The following SLC4A4 variants were observed in gnomAD, a reference collection of about 807,000 sequenced individuals.
SLC4A4 encodes electrogenic sodium bicarbonate cotransporter 1.
In SLC4A4, 27 loss-of-function variants were observed where a neutral mutation model predicts 111.5. The ratio of observed to expected loss-of-function variants is 0.24; its 90% CI spans 0.18 to 0.33. SLC4A4 has a LOEUF of 0.33. Among genes scored for constraint, SLC4A4 ranks in the 10% least tolerant of loss-of-function variants. The pLI is 1.00. For synonymous variants in SLC4A4, 443 were observed against 463.4 expected (o/e 0.96, Z 0.57); for missense variants, 909 against 1,315.5 (o/e 0.69, Z 4.78).
intron 7 of SLC4A4, among the ~76,000 whole-genome samples, chr4:71,418,682 G>A (rs1722041688): frequency 6.6e-6 from 1 of 152,178 alleles, no homozygotes; most frequent in Admixed American, 6.5e-5. Context: ...TATGTTTCTA[G>A]TAATTATCCC....
chr4:71,330,968 G>A (rs9799810), intron 3 of SLC4A4, among the ~76,000 whole-genome samples: 147,621 of 152,188 alleles, frequency 0.97, 71,774 homozygotes, highest in Middle Eastern at 1. Context: ...CAGCCAACAG[G>A]CACATGAAAA....
Position 71,335,964 on chromosome 4 carries a change from A to G in SLC4A4, c.254-3406A>G, listed in dbSNP as rs1728407859. On this transcript the variant is annotated intron_variant, in intron 3 of 25. Coordinates refer to ENST00000264485, the MANE Select transcript of SLC4A4 (RefSeq NM_001098484.3). Reference sequence around the variant, plus strand: ...TTTTCTGGTATTGGTTTATGTGCTAATTTACTTATTTATTTAAAGAATAAA... The same window carrying G: ...TTTTCTGGTATTGGTTTATGTGCTAGTTTACTTATTTATTTAAAGAATAAA... Among the ~76,000 whole-genome samples the G allele has an allele frequency of 2.0e-5, 3 of 152,130 alleles. No individual in the cohort carries two copies. The South Asian group carries it at 6.2e-4, about 31-fold the overall frequency.
chr4:71,543,611 C>A (rs570341839), intron 18 of SLC4A4, among the ~76,000 whole-genome samples: 1 of 152,064 alleles, frequency 6.6e-6, no homozygotes, highest in South Asian at 2.1e-4. Context: ...GGAAATAGAT[C>A]CAGAAAGCAT....
At chr4:71,362,811 A>G (rs1730911904) in intron 6 of SLC4A4, among the ~76,000 whole-genome samples, 1 of 152,196 alleles carries the variant, frequency 6.6e-6, no homozygotes, top group Non-Finnish European at 1.5e-5. Context: ...AGCTGGAGAC[A>G]GTGGCAGCTC....
chr4:71,195,688 A>G (rs1484682163), intron 1 of SLC4A4, among the ~76,000 whole-genome samples: 1 of 152,244 alleles, frequency 6.6e-6, no homozygotes, highest in Non-Finnish European at 1.5e-5. Context: ...TGCTTTATTT[A>G]AAGCTGGAAG....
intron 7 of SLC4A4, among the ~76,000 whole-genome samples, chr4:71,398,372 A>G (rs1482950760): frequency 1.3e-5 from 2 of 152,070 alleles, no homozygotes; most frequent in Non-Finnish European, 2.9e-5. Flanking sequence ...AATGACAGCT[A>G]AGTTCTCACT....
rs869091643 is a variant in SLC4A4 at position 71,536,465 on chromosome 4, C to CAT, written c.2442+2098_2442+2099dup. Among the ~76,000 whole-genome samples the CAT allele has an allele frequency of 3.4e-3, 137 of 40,692 alleles. 5 individuals are homozygous for CAT. The highest frequency in any genetic ancestry group is 0.01 in the African/African-American group (129 of 12,466). The allele number at this position is 40,692 out of a possible 152,430, so 26.7% of individuals were successfully genotyped here. Reference sequence around the variant, plus strand: ...GCATATATACATATATACATATATACATATATATATATATATATATATGTA... The same window carrying CAT: ...GCATATATACATATATACATATATACATATATATATATATATATATATATGTA... On this transcript the variant is annotated intron_variant, in intron 18 of 25. Coordinates refer to ENST00000264485, the MANE Select transcript of SLC4A4 (RefSeq NM_001098484.3).
At chr4:71,507,118 C>A (rs1384805488) in intron 16 of SLC4A4, among the ~76,000 whole-genome samples, 3 of 152,058 alleles carry the variant, frequency 2.0e-5, no homozygotes, top group Admixed American at 6.6e-5. Context: ...AAGGAGAAAC[C>A]CTTACCAGCC....
At chr4:71,291,704 C>T (rs550256571) in intron 3 of SLC4A4, among the ~76,000 whole-genome samples, 2 of 152,240 alleles carry the variant, frequency 1.3e-5, no homozygotes, top group East Asian at 3.9e-4. Context: ...AGCCCACACT[C>T]CTAGAATTGA....
intron 11 of SLC4A4, among the ~76,000 whole-genome samples, chr4:71,452,059 C>T (rs1725812867): frequency 6.6e-6 from 1 of 150,534 alleles, no homozygotes; most frequent in South Asian, 2.1e-4. Context: ...AAGTGGGATA[C>T]TTATTTTATG....
chr4:71,566,007 T>G (rs562468071), intron 24 of SLC4A4, among the ~76,000 whole-genome samples: 1 of 151,934 alleles, frequency 6.6e-6, no homozygotes, highest in South Asian at 2.1e-4. Flanking sequence ...ATTCTGGTGG[T>G]TATGCAGCCC....
intron 18 of SLC4A4, among the ~76,000 whole-genome samples, chr4:71,543,196 A>C (rs1219707199): frequency 6.6e-6 from 1 of 152,056 alleles, no homozygotes; most frequent in Non-Finnish European, 1.5e-5. Flanking sequence ...TATTTTGGAC[A>C]CCCAGAGAAA....
intron 7 of SLC4A4, among the ~76,000 whole-genome samples, chr4:71,405,446 A>G (rs1015630820): frequency 9.2e-5 from 14 of 152,160 alleles, no homozygotes; most frequent in African/African-American, 3.4e-4. Flanking sequence ...TAAAGGCTAT[A>G]TAGTATATAT....
At position 71,568,612 on chromosome 4, in the gene SLC4A4, T is replaced by C. The variant is rs1737702765; in HGVS notation, c.*861T>C. The C allele has an allele frequency of 6.6e-6, 1 of 152,186 alleles. No homozygotes were observed. The highest frequency in any genetic ancestry group is 2.1e-4 in the South Asian group (1 of 4,826). The allele number at this position is 152,186 out of a possible 1,614,324, so 9.4% of individuals were successfully genotyped here. On this transcript the variant is annotated 3_prime_UTR_variant, in exon 26 of 26. Transcript: ENST00000264485. ...TATGGGGCCTAACCTGCCACTTATT[T>C]TTTGTCAATTTTTAAAACTTTTTTT...
At chr4:71,562,699 A>C (rs557996276) in intron 23 of SLC4A4, among the ~76,000 whole-genome samples, 1 of 151,536 alleles carries the variant, frequency 6.6e-6, no homozygotes, top group Non-Finnish European at 1.5e-5. Flanking sequence ...TCTTGATTCT[A>C]TCCAATTTGC....
chr4:71,081,180 T>G (rs1741985117), intron 1 of SLC4A4, among the ~76,000 whole-genome samples: 1 of 152,050 alleles, frequency 6.6e-6, no homozygotes, highest in Admixed American at 6.5e-5. Flanking sequence ...ACCCTGAGAG[T>G]ACAAAAGCAT....
At chr4:71,233,629 T>G (rs1405658649) in intron 1 of SLC4A4, among the ~76,000 whole-genome samples, 1 of 152,192 alleles carries the variant, frequency 6.6e-6, no homozygotes, top group East Asian at 1.9e-4. Context: ...TCTCTAATCC[T>G]GAGCCTCTGA....
chr4:71,454,329 G>A (rs1233225065), intron 12 of SLC4A4, among the ~76,000 whole-genome samples: 2 of 152,134 alleles, frequency 1.3e-5, no homozygotes, highest in African/African-American at 4.8e-5. Context: ...AGATGTGTCT[G>A]ATTCCCTCCA....
intron 7 of SLC4A4, among the ~76,000 whole-genome samples, chr4:71,435,208 G>T (rs2149047576): frequency 6.6e-6 from 1 of 152,240 alleles, no homozygotes; most frequent in South Asian, 2.1e-4. Flanking sequence ...TACCAAAACA[G>T]ATATATAGAA....
Sources: gnomAD v4.1 joint callset for allele counts (sites outside exome capture counted in the v4.1 genomes callset) on GRCh38, gnomAD v4.1.1 for gene constraint, MANE v1.5 for transcripts, NCBI Gene and HGNC (gene_info 2026-07-23, HGNC 2026-07-21) for gene names.